Variants in IL1RAPL1 observed in about 807,000 individuals in gnomAD.
IL1RAPL1 encodes the protein interleukin 1 receptor accessory protein like 1.
Under a neutral mutation model 48.4 loss-of-function variants are expected in IL1RAPL1, and 3 were observed. That is an observed-to-expected ratio of 0.06 (90% CI 0.03 to 0.16). The LOEUF (loss-of-function observed/expected upper bound fraction) is 0.16, where lower values mean the gene tolerates loss of function less well. IL1RAPL1 is among the 10% of genes least tolerant of loss of function. The pLI, the probability that IL1RAPL1 is intolerant of heterozygous loss-of-function variation, is 1.00. For synonymous variants in IL1RAPL1, 185 were observed against 187.7 expected (o/e 0.99, Z 0.12); for missense variants, 349 against 530.6 (o/e 0.66, Z 3.36).
At chrX:29,864,055 G>C (rs1422563073) in intron 6 of IL1RAPL1, among the ~76,000 whole-genome samples, 2 of 112,155 alleles carry the variant, frequency 1.8e-5, no homozygotes, top group African/African-American at 6.5e-5. Context: ...AAAGTGCTGG[G>C]ATTACAGGCG....
At chrX:28,999,224 G>A (rs928888303) in intron 2 of IL1RAPL1, among the ~76,000 whole-genome samples, 3 of 110,893 alleles carry the variant, frequency 2.7e-5, no homozygotes, top group East Asian at 2.8e-4. Flanking sequence ...TCTTCTTCCC[G>A]CCTACACACA....
intron 2 of IL1RAPL1, among the ~76,000 whole-genome samples, chrX:28,875,776 T>C (rs1175145797): frequency 4.5e-5 from 5 of 111,916 alleles, no homozygotes; most frequent in Non-Finnish European, 9.4e-5. Flanking sequence ...ATTTTATTGA[T>C]GATCAGAGGC....
At chrX:29,288,426 C>T (rs140335342) in intron 3 of IL1RAPL1, among the ~76,000 whole-genome samples, 240 of 111,577 alleles carry the variant, frequency 2.2e-3, no homozygotes, top group African/African-American at 7.6e-3. Flanking sequence ...TTTCCTGTTC[C>T]TGCATTAGTT....
rs186497982 is a variant in IL1RAPL1 at position 29,344,477 on chromosome X, T to C, written c.363-51781T>C. Among the ~76,000 whole-genome samples, 7 of 111,825 alleles carry C rather than the reference T, an allele frequency of 6.3e-5. No homozygotes were observed. In the Admixed American group the frequency reaches 6.7e-4, roughly 11 times the overall value. On this transcript the variant is annotated intron_variant, in intron 3 of 10. Coordinates refer to ENST00000378993, the MANE Select transcript of IL1RAPL1 (RefSeq NM_014271.4). ...TCACTTTCCTTTTTTAAAGTATTTATAAATTTCATACATTTTTAATTAGAC... is the reference window on the plus strand; with the variant it reads ...TCACTTTCCTTTTTTAAAGTATTTACAAATTTCATACATTTTTAATTAGAC...
intron 6 of IL1RAPL1, among the ~76,000 whole-genome samples, chrX:29,819,677 T>A (rs2147182348): frequency 9.1e-6 from 1 of 110,280 alleles, no homozygotes; most frequent in South Asian, 3.9e-4. Flanking sequence ...TAAACTTATA[T>A]TTCCGAAATG....
intron 2 of IL1RAPL1, among the ~76,000 whole-genome samples, chrX:29,245,484 G>A (rs1931494798): frequency 9.0e-6 from 1 of 111,604 alleles, no homozygotes; most frequent in Admixed American, 9.4e-5. Flanking sequence ...GGCATGAGAT[G>A]GTATCTCATT....
intron 2 of IL1RAPL1, among the ~76,000 whole-genome samples, chrX:28,809,958 G>A (rs1601912849): frequency 9.3e-6 from 1 of 107,959 alleles, no homozygotes; most frequent in East Asian, 2.9e-4. Flanking sequence ...TATAGGGGAT[G>A]AGGAATATGT....
chrX:29,534,371 G>A (rs1463065974), intron 5 of IL1RAPL1, among the ~76,000 whole-genome samples: 1 of 111,755 alleles, frequency 8.9e-6, no homozygotes, highest in African/African-American at 3.3e-5. Flanking sequence ...TAGAGTTATC[G>A]TAATACCATG....
chrX:29,352,433 G>A (rs1487771880), intron 3 of IL1RAPL1, among the ~76,000 whole-genome samples: 3 of 111,586 alleles, frequency 2.7e-5, no homozygotes, highest in Non-Finnish European at 3.8e-5. Context: ...GAAATTCATA[G>A]CTTGAGGTTT....
intron 1 of IL1RAPL1, among the ~76,000 whole-genome samples, chrX:28,761,951 G>A (rs925308373): frequency 1.8e-5 from 2 of 111,414 alleles, no homozygotes; most frequent in African/African-American, 3.3e-5. Flanking sequence ...AACCTGTTTC[G>A]CTATCTATAA....
intron 6 of IL1RAPL1, among the ~76,000 whole-genome samples, chrX:29,737,192 A>G (rs1012292094): frequency 8.9e-6 from 1 of 112,481 alleles, no homozygotes; most frequent in African/African-American, 3.2e-5. Context: ...GATTAGTACA[A>G]TAGTCCATGC....
chrX:28,796,929 G>A (rs1001387602), intron 2 of IL1RAPL1, among the ~76,000 whole-genome samples: 35 of 112,274 alleles, frequency 3.1e-4, no homozygotes, highest in African/African-American at 1.0e-3. Context: ...GGGCATCCAG[G>A]CATTTCCATA....
intron 1 of IL1RAPL1, among the ~76,000 whole-genome samples, chrX:28,640,234 A>G: frequency 8.9e-6 from 1 of 112,313 alleles, no homozygotes; most frequent in African/African-American, 3.2e-5. Context: ...TAATGTAAAT[A>G]TATGAACAAT....
chrX:29,448,037 C>G (rs934455544), intron 5 of IL1RAPL1, among the ~76,000 whole-genome samples: 1 of 111,536 alleles, frequency 9.0e-6, no homozygotes, highest in East Asian at 2.8e-4. Context: ...CAGTAAGGGG[C>G]CAGGATGGTT....
chrX:29,048,216 A>G (rs1292764720), intron 2 of IL1RAPL1, among the ~76,000 whole-genome samples: 2 of 112,342 alleles, frequency 1.8e-5, no homozygotes, highest in African/African-American at 6.5e-5. Flanking sequence ...TCAACTTACT[A>G]CATAACACCA....
chrX:29,838,097 AAGTCTGT>A (rs2147191992), intron 6 of IL1RAPL1, among the ~76,000 whole-genome samples: 1 of 111,424 alleles, frequency 9.0e-6, no homozygotes, highest in African/African-American at 3.3e-5. Flanking sequence ...AGCGTTCCTA[AAGTCTGT>A]TTGGGGTGAC....
intron 5 of IL1RAPL1, among the ~76,000 whole-genome samples, chrX:29,512,667 A>G (rs1020982469): frequency 8.9e-6 from 1 of 112,034 alleles, no homozygotes; most frequent in African/African-American, 3.2e-5. Flanking sequence ...ATTGCATACA[A>G]CTTAGCACTT....
At chrX:29,568,542 T>C (rs1922486795) in intron 5 of IL1RAPL1, among the ~76,000 whole-genome samples, 1 of 111,019 alleles carries the variant, frequency 9.0e-6, no homozygotes, top group African/African-American at 3.3e-5. Flanking sequence ...AAATGTTATT[T>C]CAACAGCATT....
At chrX:29,278,033 A>G (rs892311111) in intron 2 of IL1RAPL1, among the ~76,000 whole-genome samples, 3 of 111,237 alleles carry the variant, frequency 2.7e-5, no homozygotes. Context: ...TGGGTTTCGG[A>G]TTTTCTGATT....
Sources: allele counts gnomAD v4.1 joint callset (sites outside exome capture counted in the v4.1 genomes callset), GRCh38; gene constraint gnomAD v4.1.1; transcripts MANE v1.5; gene names NCBI Gene and HGNC (gene_info 2026-07-23, HGNC 2026-07-21).